BMERB1: variants seen among roughly 807,000 people sequenced by gnomAD.
The protein encoded by BMERB1 is bMERB domain-containing protein 1.
In BMERB1, 12 loss-of-function variants were observed where a neutral mutation model predicts 23.6. That is an observed-to-expected ratio of 0.51 (90% confidence interval 0.33 to 0.82). BMERB1 has a LOEUF of 0.82. Among genes scored for constraint, BMERB1 ranks in the 40% least tolerant of loss-of-function variants. The pLI is 0.03. For synonymous variants in BMERB1, 122 were observed against 96.6 expected, an observed-to-expected ratio of 1.26 and a Z score of -1.54; for missense variants, 247 against 255.4, an observed-to-expected ratio of 0.97 and a Z score of 0.22.
chr16:15,565,699 TAAAA>T (rs2030544558), intron 2 of BMERB1, among the ~76,000 whole-genome samples: 2 of 152,058 alleles, frequency 1.3e-5, no homozygotes, highest in South Asian at 4.2e-4. Context: ...TTTTAAAAAT[TAAAA>T]AAAGTATGAG....
intron 2 of BMERB1, among the ~76,000 whole-genome samples, chr16:15,516,035 G>A (rs1311264038): frequency 6.6e-6 from 1 of 152,134 alleles, no homozygotes; most frequent in East Asian, 1.9e-4. Flanking sequence ...TGAGGTGGGA[G>A]GACTGCTTGA....
intron 1 of BMERB1, among the ~76,000 whole-genome samples, chr16:15,441,959 G>A (rs756517285): frequency 2.0e-5 from 3 of 152,188 alleles, no homozygotes; most frequent in African/African-American, 7.2e-5. Context: ...GAGAAGTGGT[G>A]GCAGTTTCCT....
intron 1 of BMERB1, among the ~76,000 whole-genome samples, chr16:15,497,408 G>A (rs558877454): frequency 1.3e-5 from 2 of 152,252 alleles, no homozygotes; most frequent in Admixed American, 1.3e-4. Context: ...TATTTGAGAG[G>A]CAAGGAATTC....
intron 2 of BMERB1, among the ~76,000 whole-genome samples, chr16:15,531,143 G>A (rs1235666332): frequency 2.0e-5 from 3 of 151,794 alleles, no homozygotes; most frequent in Non-Finnish European, 4.4e-5. Context: ...TCCTGACCTC[G>A]TGATCCGCCC....
intron 1 of BMERB1, among the ~76,000 whole-genome samples, chr16:15,469,651 C>G (rs2051212848): frequency 6.6e-6 from 1 of 152,166 alleles, no homozygotes; most frequent in South Asian, 2.1e-4. Flanking sequence ...TTGAGATATT[C>G]TTAATTCTTT....
intron 2 of BMERB1, among the ~76,000 whole-genome samples, chr16:15,517,876 TGTGTGGATGTGTGTGTGTGG>T: frequency 7.7e-6 from 1 of 129,126 alleles, no homozygotes; most frequent in East Asian, 2.0e-4. Context: ...TGTGTGTGGG[TGTGTGGATGTGTGTGTGTGG>T]ATCTGTGTGT....
At position 15,501,553 on chromosome 16, in the gene BMERB1, C is replaced by T. The variant is rs561644194; in HGVS notation, c.107-13752C>T. On this transcript the variant is annotated intron_variant, in intron 1 of 5. Coordinates refer to ENST00000300006, the MANE Select transcript of BMERB1 (RefSeq NM_033201.3). ...GCAGTGGCACGATCTCGGCTCACTGCAACCTCCGCCTCCCCAGTTCAAGCA... is the reference window on the plus strand; with the variant it reads ...GCAGTGGCACGATCTCGGCTCACTGTAACCTCCGCCTCCCCAGTTCAAGCA... Among the ~76,000 whole-genome samples the T allele has an allele frequency of 8.5e-5, 13 of 152,298 alleles. 1 individual carries two copies. The South Asian group carries it at 2.7e-3, about 32-fold the overall frequency.
At chr16:15,523,890 A>G (rs1789451950) in intron 2 of BMERB1, among the ~76,000 whole-genome samples, 1 of 152,218 alleles carries the variant, frequency 6.6e-6, no homozygotes, top group African/African-American at 2.4e-5. Flanking sequence ...CCAAGAGAAG[A>G]TGGGATTCAC....
At chr16:15,502,682 G>C (rs549504873) in intron 1 of BMERB1, among the ~76,000 whole-genome samples, 1 of 152,240 alleles carries the variant, frequency 6.6e-6, no homozygotes, top group East Asian at 1.9e-4. Flanking sequence ...TGGCTCCCTG[G>C]TCATGGGGCG....
chr16:15,582,495 A>G (rs972199895), intron 4 of BMERB1, among the ~76,000 whole-genome samples: 3 of 152,188 alleles, frequency 2.0e-5, no homozygotes, highest in Admixed American at 1.3e-4. Flanking sequence ...GAAATTATCA[A>G]TGCCAGTCTT....
chr16:15,465,596 G>A (rs115452), intron 1 of BMERB1, among the ~76,000 whole-genome samples: 77,631 of 151,684 alleles, frequency 0.51, 20,926 homozygotes, highest in Middle Eastern at 0.66. Context: ...CAGGTGATCC[G>A]CCTGCCTTGG....
At chr16:15,522,670 A>G (rs77818608) in intron 2 of BMERB1, among the ~76,000 whole-genome samples, 2,760 of 152,234 alleles carry the variant, frequency 0.018, 90 homozygotes, top group African/African-American at 0.064. Flanking sequence ...TAGCATTCTA[A>G]GTCCAGATGA....
At chr16:15,444,903 A>C (rs963504649) in intron 1 of BMERB1, among the ~76,000 whole-genome samples, 6 of 152,230 alleles carry the variant, frequency 3.9e-5, no homozygotes, top group Admixed American at 3.3e-4. Flanking sequence ...AAGTTTCTCA[A>C]AGTCAGTTTT....
intron 1 of BMERB1, among the ~76,000 whole-genome samples, chr16:15,475,913 A>G (rs1293032682): frequency 6.6e-6 from 1 of 152,158 alleles, no homozygotes; most frequent in African/African-American, 2.4e-5. Flanking sequence ...GGGCTCAGTC[A>G]TGTAGACCTG....
chr16:15,477,270 T>A (rs2051282479), intron 1 of BMERB1, among the ~76,000 whole-genome samples: 1 of 152,022 alleles, frequency 6.6e-6, no homozygotes, highest in Non-Finnish European at 1.5e-5. Context: ...GCCAGACACT[T>A]ATAAAACCAT....
chr16:15,526,997 A>G (rs1029081538), intron 2 of BMERB1, among the ~76,000 whole-genome samples: 1 of 148,884 alleles, frequency 6.7e-6, no homozygotes, highest in African/African-American at 2.5e-5. Context: ...TATTTTATAT[A>G]AATTTTACTA....
At chr16:15,468,965 CT>C (rs773392188) in intron 1 of BMERB1, among the ~76,000 whole-genome samples, 692 of 126,400 alleles carry the variant, frequency 5.5e-3, no homozygotes, top group Middle Eastern at 0.021. Flanking sequence ...CATCTTCACA[CT>C]TTTTTTTTTT....
rs775378313 is a variant in BMERB1, at chr16:15,586,869, C to G, written c.*40C>G. On this transcript the variant is annotated 3_prime_UTR_variant, in exon 6 of 6. Coordinates refer to ENST00000300006, the MANE Select transcript of BMERB1 (RefSeq NM_033201.3). ...GCCCTGGGCCATGGGGACCCCCCCC[C>G]ACCCTCTTGTCTTTATAGCCCCCAT... 3 of 1,302,292 alleles carry G rather than the reference C, an allele frequency of 2.3e-6. No individual in the cohort carries two copies. Among genetic ancestry groups the G allele is most frequent in the Non-Finnish European group, 2.1e-6 (2 of 937,232 alleles). 80.7% of individuals were successfully genotyped at this position (1,302,292 alleles called of 1,614,324 possible).
chr16:15,445,741 A>G (rs1277562153), intron 1 of BMERB1, among the ~76,000 whole-genome samples: 1 of 152,066 alleles, frequency 6.6e-6, no homozygotes, highest in African/African-American at 2.4e-5. Context: ...TTAAACATAC[A>G]CCAATCATAG....
Sources: gnomAD v4.1 joint callset for allele counts (sites outside exome capture counted in the v4.1 genomes callset) on GRCh38, gnomAD v4.1.1 for gene constraint, MANE v1.5 for transcripts, NCBI Gene and HGNC (gene_info 2026-07-23, HGNC 2026-07-21) for gene names.